The following ARK2C variants were observed in gnomAD, a reference collection of about 807,000 sequenced individuals.
ARK2C encodes the protein arkadia (RNF111) C-terminal like ring finger ubiquitin ligase 2C.
At chr18:46,411,003 A>C in the ARK2C span, among the ~76,000 whole-genome samples, 1 of 152,116 alleles carries the variant, frequency 6.6e-6, no homozygotes, top group Admixed American at 6.5e-5. Context: ...CACTCTGGGG[A>C]AGTTGCTGAG....
At chr18:46,359,455 A>C in the ARK2C span, among the ~76,000 whole-genome samples, 4 of 152,114 alleles carry the variant, frequency 2.6e-5, no homozygotes, top group Non-Finnish European at 4.4e-5. Flanking sequence ...AGGTAGAAAA[A>C]AGGGTTCTCA....
At chr18:46,388,792 G>A in the ARK2C span, among the ~76,000 whole-genome samples, 1 of 152,218 alleles carries the variant, frequency 6.6e-6, no homozygotes, top group African/African-American at 2.4e-5. Flanking sequence ...AGGGGTAAAC[G>A]TAGAGAACTC....
the ARK2C span, among the ~76,000 whole-genome samples, chr18:46,435,056 C>A: frequency 6.6e-6 from 1 of 152,146 alleles, no homozygotes; most frequent in Non-Finnish European, 1.5e-5. Context: ...CTCTGCACAG[C>A]GGGCAGCCCG....
the ARK2C span, among the ~76,000 whole-genome samples, chr18:46,351,935 C>T: frequency 6.6e-5 from 10 of 152,196 alleles, no homozygotes; most frequent in Non-Finnish European, 1.0e-4. Context: ...CCTCCTGCAC[C>T]GTGCATCTAC....
At chr18:46,389,670 G>A in the ARK2C span, among the ~76,000 whole-genome samples, 1 of 151,782 alleles carries the variant, frequency 6.6e-6, no homozygotes, top group African/African-American at 2.4e-5. Context: ...GCTGTCTTAG[G>A]CCCCTACTAG....
the ARK2C span, among the ~76,000 whole-genome samples, chr18:46,405,942 T>G: frequency 1.3e-5 from 2 of 152,034 alleles, no homozygotes; most frequent in Non-Finnish European, 2.9e-5. Flanking sequence ...TGCCTAGGCA[T>G]GTGCACACAT....
At chr18:46,371,010 C>T in the ARK2C span, among the ~76,000 whole-genome samples, 2 of 152,310 alleles carry the variant, frequency 1.3e-5, no homozygotes, top group African/African-American at 4.8e-5. Context: ...AACTGACTCA[C>T]AGTTCCACAT....
At chr18:46,377,817 G>A in the ARK2C span, among the ~76,000 whole-genome samples, 1 of 152,188 alleles carries the variant, frequency 6.6e-6, no homozygotes, top group Non-Finnish European at 1.5e-5. Context: ...GGAGTGGGCA[G>A]AATCCATAAA....
chr18:46,435,253 C>CAGG, the ARK2C span: 1 of 1,589,228 alleles, frequency 6.3e-7, no homozygotes, highest in African/African-American at 1.3e-5. Flanking sequence ...CCTGGGTAGC[C>CAGG]CCTGACACGA....
chr18:46,414,675 C>T, the ARK2C span, among the ~76,000 whole-genome samples: 3 of 152,208 alleles, frequency 2.0e-5, no homozygotes, highest in Non-Finnish European at 4.4e-5. Context: ...TACACAGATG[C>T]ACGCTCACAG....
the ARK2C span, chr18:46,459,860 C>A: frequency 6.5e-6 from 1 of 152,682 alleles, no homozygotes; most frequent in African/African-American, 2.4e-5. Flanking sequence ...GGACTCAGAC[C>A]CTTTCTTGAC....
At chr18:46,379,189 G>T in the ARK2C span, among the ~76,000 whole-genome samples, 2 of 152,192 alleles carry the variant, frequency 1.3e-5, no homozygotes, top group Admixed American at 1.3e-4. Flanking sequence ...TGCTGGAAAC[G>T]CTATCATTCT....
the ARK2C span, among the ~76,000 whole-genome samples, chr18:46,426,419 T>C: frequency 6.6e-6 from 1 of 152,126 alleles, no homozygotes; most frequent in African/African-American, 2.4e-5. Flanking sequence ...CCACCCACTA[T>C]CCAGCAGCCA....
the ARK2C span, chr18:46,459,409 C>T: frequency 6.6e-6 from 1 of 152,260 alleles, no homozygotes; most frequent in African/African-American, 2.4e-5. Context: ...TGCGCCCACC[C>T]AGCTATTGAA....
chr18:46,420,156 C>T, the ARK2C span, among the ~76,000 whole-genome samples: 1 of 152,146 alleles, frequency 6.6e-6, no homozygotes, highest in Admixed American at 6.5e-5. Context: ...GTCTGAAATC[C>T]CACCATTAGA....
chr18:46,423,503 C>G, the ARK2C span, among the ~76,000 whole-genome samples: 1 of 152,222 alleles, frequency 6.6e-6, no homozygotes, highest in Non-Finnish European at 1.5e-5. Context: ...ACCACCAGGA[C>G]CATGGCATGT....
chr18:46,335,903 A>G, the ARK2C span: 2 of 985,236 alleles, frequency 2.0e-6, no homozygotes, highest in Non-Finnish European at 1.2e-6. Context: ...TGAATGGTCA[A>G]CTCGCTGCTG....
the ARK2C span, among the ~76,000 whole-genome samples, chr18:46,419,320 C>A: frequency 2.6e-5 from 4 of 152,160 alleles, no homozygotes; most frequent in Non-Finnish European, 4.4e-5. Context: ...CTAGGCCAGA[C>A]CTCAGGGAGG....
the ARK2C span, among the ~76,000 whole-genome samples, chr18:46,419,982 C>T: frequency 6.6e-6 from 1 of 152,154 alleles, no homozygotes; most frequent in Non-Finnish European, 1.5e-5. Flanking sequence ...CCCCAATACC[C>T]CAGAGTGCTA....
Sources: gnomAD v4.1 joint callset for allele counts (sites outside exome capture counted in the v4.1 genomes callset) on GRCh38, gnomAD v4.1.1 for gene constraint, MANE v1.5 for transcripts, NCBI Gene and HGNC (gene_info 2026-07-23, HGNC 2026-07-21) for gene names.